Variants in TLK1 observed in about 807,000 individuals in gnomAD.
TLK1 encodes tousled like kinase 1, also known as serine/threonine-protein kinase tousled-like 1.
Under a neutral mutation model 105.3 loss-of-function variants are expected in TLK1, and 24 were observed. The observed-to-expected ratio is 0.23, with a 90% confidence interval of 0.17 to 0.32. The LOEUF (loss-of-function observed/expected upper bound fraction) is 0.32. Ranked by LOEUF, TLK1 falls within the 10% of genes least tolerant of loss-of-function variation. TLK1 has a pLI of 1.00. For synonymous variants in TLK1, 321 were observed against 310.4 expected (o/e 1.03, Z -0.36); for missense variants, 558 against 910.5 (o/e 0.61, Z 4.98).
intron 12 of TLK1, among the ~76,000 whole-genome samples, chr2:171,016,402 G>A (rs968729497): frequency 1.4e-4 from 21 of 152,098 alleles, no homozygotes; most frequent in African/African-American, 5.1e-4. Flanking sequence ...TCAAAGTGTT[G>A]GGATTATAGG....
chr2:171,065,925 G>A (rs1004467999), intron 3 of TLK1, among the ~76,000 whole-genome samples: 58 of 152,264 alleles, frequency 3.8e-4, no homozygotes, highest in African/African-American at 1.3e-3. Context: ...CTTTTTGCTG[G>A]CAGCTGGTAA....
intron 1 of TLK1, among the ~76,000 whole-genome samples, chr2:171,184,832 T>C (rs927781458): frequency 7.7e-5 from 11 of 142,870 alleles, no homozygotes; most frequent in Admixed American, 5.6e-4. Flanking sequence ...TTTATAATTA[T>C]GGTTGTTTGT....
At chr2:171,194,048 G>T (rs1183870466) in intron 1 of TLK1, among the ~76,000 whole-genome samples, 1 of 152,064 alleles carries the variant, frequency 6.6e-6, no homozygotes, top group Non-Finnish European at 1.5e-5. Context: ...GATTGCCCTT[G>T]TCTTAGCATG....
Position 171,011,446 on chromosome 2 carries a change from T to C in TLK1, c.1343A>G (p.Asp448Gly). The C allele has an allele frequency of 6.2e-7, 1 of 1,611,916 alleles. No individual in the cohort carries two copies. Among genetic ancestry groups the C allele is most frequent in the East Asian group, 2.2e-5 (1 of 44,854 alleles). ...INNEDNSQFK[D>G]HPTLNERYLL... The stretch of plus-strand genomic sequence containing the variant: ...ATATCTTTCATTTAATGTTGGGTGA[T>C]CTTTGAACCTTAGAGGTGGGGGCAA... The change falls in exon 14 of 21, where the codon GAT becomes GGT. Residue 448 changes from aspartate to glycine, a missense_variant. Physicochemically the swap from Asp to Gly is moderately conservative, Grantham distance 94. Around this residue, in one of 5 missense-constraint regions of TLK1, gnomAD observed 218 missense variants for 492.9 expected, o/e 0.44. Coordinates refer to ENST00000431350, the MANE Select transcript of TLK1 (RefSeq NM_012290.5).
Position 171,133,758 on chromosome 2 carries a change from A to ATT in TLK1, c.140-15903_140-15902dup, listed in dbSNP as rs552762859. On this transcript the variant is annotated intron_variant, in intron 1 of 20. Transcript: ENST00000431350. ...AGGAGCAACATGTTTCAGACTTCTG[A>ATT]TTTTTTTTTTTTTTTAATATTTGAG... is the stretch of plus-strand genomic sequence containing the variant. Among the ~76,000 whole-genome samples, 114 of 144,448 alleles carry ATT rather than the reference A, an allele frequency of 7.9e-4. No individual in the cohort carries two copies. The Middle Eastern group carries it at 0.014, about 18-fold the overall frequency. The allele number at this position is 144,448 out of a possible 152,430, so 94.8% of individuals were successfully genotyped here.
chr2:170,999,583 A>G (rs1285685718), intron 18 of TLK1, among the ~76,000 whole-genome samples: 1 of 152,238 alleles, frequency 6.6e-6, no homozygotes, highest in Non-Finnish European at 1.5e-5. Flanking sequence ...GAGAGACAAA[A>G]CTAAATATTT....
In TLK1 at chr2:171,183,548, T is replaced by C. The variant is rs189490948; in HGVS notation, c.-6+47597A>G. ...TGATTTTTTGATACTCTTTATATACTATGGATATTATCTGTCTATTATATA... is the reference window on the plus strand; with the variant it reads ...TGATTTTTTGATACTCTTTATATACCATGGATATTATCTGTCTATTATATA... On this transcript the variant is annotated intron_variant, in intron 1 of 20. Coordinates refer to the TLK1 transcript ENST00000521943. Among the ~76,000 whole-genome samples, 5 of 151,620 alleles carry C rather than the reference T, an allele frequency of 3.3e-5. No individual in the cohort carries two copies. In the East Asian group the frequency reaches 1.0e-3, roughly 31 times the overall value.
chr2:171,179,266 A>G (rs1464341414), intron 1 of TLK1, among the ~76,000 whole-genome samples: 1 of 152,194 alleles, frequency 6.6e-6, no homozygotes, highest in East Asian at 1.9e-4. Flanking sequence ...GCACCCTTTT[A>G]TTCCCAAATG....
chr2:171,130,992 CTAA>C (rs758588627), intron 1 of TLK1, among the ~76,000 whole-genome samples: 41 of 149,578 alleles, frequency 2.7e-4, no homozygotes, highest in Admixed American at 7.4e-4. Context: ...TTTTAAGATT[CTAA>C]TAATAATTTC....
At chr2:170,994,030 G>A in intron 20 of TLK1, 74 bp from the exon 21 acceptor site, 1 of 1,456,536 alleles carries the variant, frequency 6.9e-7, no homozygotes, top group Non-Finnish European at 9.2e-7. Flanking sequence ...TGAATCAGCA[G>A]AAGGATGGAC....
chr2:171,031,423 T>G (rs1686040649), intron 11 of TLK1, among the ~76,000 whole-genome samples: 1 of 152,240 alleles, frequency 6.6e-6, no homozygotes, highest in South Asian at 2.1e-4. Context: ...AATACTTTTA[T>G]GTGTGTAAGA....
intron 4 of TLK1, among the ~76,000 whole-genome samples, 176 bp from the exon 5 acceptor site, chr2:171,058,373 TGTAA>T (rs1558915045): frequency 1.3e-5 from 2 of 152,186 alleles, no homozygotes; most frequent in Non-Finnish European, 2.9e-5. Context: ...AAATAAATGA[TGTAA>T]GTGATGTCCT....
intron 1 of TLK1, among the ~76,000 whole-genome samples, chr2:171,138,897 A>G (rs1198057812): frequency 6.6e-6 from 1 of 152,196 alleles, no homozygotes; most frequent in East Asian, 1.9e-4. Context: ...AAAGACATTC[A>G]TATTTTTTTA....
chr2:171,215,418 G>C (rs193177712), intron 1 of TLK1, among the ~76,000 whole-genome samples: 1 of 146,156 alleles, frequency 6.8e-6, no homozygotes, highest in Non-Finnish European at 1.5e-5. Context: ...TTTCCTCAGC[G>C]ATCTGAGGGA....
upstream of TLK1, among the ~76,000 whole-genome samples, chr2:171,163,788 C>G (rs1309645435): frequency 6.6e-6 from 1 of 151,648 alleles, no homozygotes; most frequent in African/African-American, 2.4e-5. Context: ...TGCAGTGGTG[C>G]AATCTTGGCT....
chr2:171,020,375 A>G (rs1424393785), intron 12 of TLK1, among the ~76,000 whole-genome samples: 1 of 151,956 alleles, frequency 6.6e-6, no homozygotes, highest in East Asian at 1.9e-4. Context: ...CCCCGTCTCT[A>G]CTAAAAATAT....
At chr2:171,058,409 T>C (rs764572190) in intron 4 of TLK1, among the ~76,000 whole-genome samples, 3 of 152,130 alleles carry the variant, frequency 2.0e-5, no homozygotes, top group Non-Finnish European at 4.4e-5. Flanking sequence ...ACATTATTAA[T>C]ACTGCTTAAT....
At chr2:171,086,881 C>T (rs1427257728) in intron 2 of TLK1, among the ~76,000 whole-genome samples, 1 of 152,012 alleles carries the variant, frequency 6.6e-6, no homozygotes, top group Non-Finnish European at 1.5e-5. Flanking sequence ...AGGGAGAGTC[C>T]CAAATTCTGC....
intron 1 of TLK1, among the ~76,000 whole-genome samples, chr2:171,204,318 A>G (rs1693459227): frequency 6.6e-6 from 1 of 152,154 alleles, no homozygotes; most frequent in African/African-American, 2.4e-5. Context: ...CTAAAATGGA[A>G]CGATCTAAGT....
Sources: allele counts gnomAD v4.1 joint callset (sites outside exome capture counted in the v4.1 genomes callset), GRCh38; gene constraint gnomAD v4.1.1; regional missense constraint gnomAD v4.1.1; transcripts MANE v1.5; gene names NCBI Gene and HGNC (gene_info 2026-07-23, HGNC 2026-07-21).